Variants in P2RY11 observed in about 807,000 individuals in gnomAD.
P2RY11 encodes the protein purinergic receptor P2Y11, also known as P2Y purinoceptor 11.
A neutral mutation model predicts 2.4 loss-of-function variants in P2RY11; 3 were observed. That is an observed-to-expected ratio of 1.22 (90% CI 0.56 to 3.17). The LOEUF (loss-of-function observed/expected upper bound fraction) is 3.17, where lower values mean the gene tolerates loss of function less well. Among genes scored for constraint, P2RY11 ranks in the 30% most tolerant of loss-of-function variants. P2RY11 has a pLI of 0.03. For missense variants in P2RY11, 670 were observed against 528.2 expected (o/e 1.27, Z -2.63); for synonymous variants, 307 against 237.3 (o/e 1.29, Z -2.70).
intron 1 of P2RY11, chr19:10,112,389 A>C (rs1486709438): frequency 6.5e-6 from 1 of 153,244 alleles, no homozygotes; most frequent in Non-Finnish European, 1.5e-5. Flanking sequence ...GGTGGGGTGC[A>C]CAAGGAGTGA....
At position 10,114,722 on chromosome 19, in the gene P2RY11, GTGAGC is replaced by G. The variant is rs1568492918; in HGVS notation, c.1115_1119del (p.Leu372ProfsTer20). On this transcript the variant is annotated frameshift_variant, in exon 2 of 2. Transcript: ENST00000321826. LOFTEE classifies it high-confidence loss of function. Reference sequence around the variant, plus strand: ...CCTAAACCGTCAGAGCCCCAGTCCCGTGAGCTGAGCCAATGATGTGGCCTAGCGGA... The same window carrying G: ...CCTAAACCGTCAGAGCCCCAGTCCCGTGAGCCAATGATGTGGCCTAGCGGA... 1 of 1,606,620 alleles carries G rather than the reference GTGAGC, an allele frequency of 6.2e-7. No individual in the cohort carries two copies. The highest frequency in any genetic ancestry group is 1.1e-5 in the South Asian group (1 of 90,378).
At position 10,114,770 on chromosome 19, in the gene P2RY11, A is replaced by C; in HGVS notation, c.*32A>C. On this transcript the variant is annotated 3_prime_UTR_variant, in exon 2 of 2. Transcript: ENST00000321826. ...CTAGCGGAAGCTGCCTCCTCACCCT[A>C]GGTGTTGCTGGAGAACCCTGAGGGC... The C allele has an allele frequency of 6.4e-7, 1 of 1,567,252 alleles. No homozygotes were observed. Among genetic ancestry groups the C allele is most frequent in the Non-Finnish European group, 8.7e-7 (1 of 1,154,396 alleles).
chr19:10,113,649 T>C lies in P2RY11; in HGVS notation c.36T>C (p.Pro12=). ...AANVSGAKSC[P]ANFLAAADDK... ...TGCCCACAGGTGCCAAGTCCTGCCC[T>C]GCCAACTTCTTGGCAGCTGCCGACG... The change falls in exon 2 of 2, where the codon CCT becomes CCC. Residue 12 remains proline, a synonymous_variant. Transcript: ENST00000321826. 1 of 1,611,556 alleles carries C rather than the reference T, an allele frequency of 6.2e-7. No homozygotes were observed. Among genetic ancestry groups the C allele is most frequent in the Non-Finnish European group, 8.5e-7 (1 of 1,177,920 alleles).
Position 10,114,814 on chromosome 19 carries a change from C to T in P2RY11, c.*76C>T, listed in dbSNP as rs941706886. 5.9e-6 allele frequency: 9 copies of T among 1,525,468 alleles called. No individual in the cohort carries two copies. Among genetic ancestry groups the T allele is most frequent in the Non-Finnish European group, 7.9e-6 (9 of 1,139,530 alleles). The allele number at this position is 1,525,468 out of a possible 1,614,324, so 94.5% of individuals were successfully genotyped here. A position where few individuals can be genotyped will look rare whatever the true frequency, so the allele number is the denominator to read the frequency against. Reference sequence around the variant, plus strand: ...TGAGGGCAGGGCCCGAGCCCCGACACATCCCTTCCCCCAAAAAGCAACACC... The same window carrying T: ...TGAGGGCAGGGCCCGAGCCCCGACATATCCCTTCCCCCAAAAAGCAACACC... On this transcript the variant is annotated 3_prime_UTR_variant, in exon 2 of 2. Transcript: ENST00000321826.
rs369366276 is a variant in P2RY11 at position 10,113,913 on chromosome 19, C to T, written c.300C>T (p.Ala100=). The T allele has an allele frequency of 1.5e-4, 240 of 1,605,392 alleles. No homozygotes were observed. Among genetic ancestry groups the T allele is most frequent in the Admixed American group, 4.0e-4 (24 of 59,996 alleles). The part of the protein sequence containing the change: ...YPPKHWRYGE[A]ACRLERFLFT... The stretch of plus-strand genomic sequence containing the variant: ...CCAAGCACTGGCGCTATGGGGAGGC[C>T]GCGTGCCGCCTGGAGCGCTTCCTCT... Residue 100 remains alanine, a synonymous_variant, in exon 2 of 2, where the codon GCC becomes GCT. Coordinates refer to ENST00000321826, the MANE Select transcript of P2RY11 (RefSeq NM_002566.5).
At chr19:10,113,004 C>G in intron 1 of P2RY11, among the ~76,000 whole-genome samples, 1 of 150,048 alleles carries the variant, frequency 6.7e-6, no homozygotes. Context: ...GCCAGGAAGC[C>G]TGGGTGGGCT....
rs1411580365 is a variant in P2RY11, at chr19:10,113,892, G to A, written c.279G>A (p.Lys93=). 1 of 1,608,734 alleles carries A rather than the reference G, an allele frequency of 6.2e-7. No individual in the cohort carries two copies. Among genetic ancestry groups the A allele is most frequent in the Non-Finnish European group, 8.5e-7 (1 of 1,179,762 alleles). Residue 93 remains lysine (K), a synonymous_variant, in exon 2 of 2, where the codon AAG becomes AAA. Transcript: ENST00000321826. ...PPLAAYLYPP[K]HWRYGEAACR... is the part of the protein sequence containing the mutation. ...TGGCCGCCTACCTCTATCCCCCCAA[G>A]CACTGGCGCTATGGGGAGGCCGCGT... is the stretch of plus-strand genomic sequence containing the variant.
Position 10,114,002 on chromosome 19 carries a change from G to A in P2RY11, c.389G>A (p.Gly130Asp). ...ITCISLNRYL[G>D]IVHPFFARSH... ...TGCATCAGCCTCAACCGCTACCTGG[G>A]CATCGTGCACCCCTTCTTCGCCCGA... Residue 130 changes from glycine to aspartate, a missense_variant, in exon 2 of 2, where the codon GGC becomes GAC. Transcript: ENST00000321826. The A allele has an allele frequency of 1.2e-6, 2 of 1,601,496 alleles. No individual in the cohort carries two copies. Among genetic ancestry groups the A allele is most frequent in the Non-Finnish European group, 1.7e-6 (2 of 1,179,804 alleles).
Position 10,114,210 on chromosome 19 carries a change from G to A in P2RY11, c.597G>A (p.Leu199=). Residue 199 remains leucine, a synonymous_variant, in exon 2 of 2, where the codon CTG becomes CTA. Transcript: ENST00000321826. ...IKCLGTADHG[L]AAYRAYSLVL... is the part of the protein sequence containing the mutation. ...GTCTGGGGACAGCAGACCACGGGCT[G>A]GCGGCCTACAGAGCGTATAGCCTGG... is the stretch of plus-strand genomic sequence containing the variant. 1.9e-6 allele frequency: 3 copies of A among 1,600,186 alleles called. No individual in the cohort carries two copies. Among genetic ancestry groups the A allele is most frequent in the Non-Finnish European group, 2.5e-6 (3 of 1,179,482 alleles).
Position 10,114,155 on chromosome 19 carries a change from G to T in P2RY11, c.542G>T (p.Ser181Ile), listed in dbSNP as rs370173231. ...KRPQQGAGNCSVARPEACIKC... is the reference protein window; with the variant it reads ...KRPQQGAGNCIVARPEACIKC... ...CCGCAGCAGGGGGCGGGCAACTGCA[G>T]CGTGGCCAGGCCCGAGGCCTGCATC... The change falls in exon 2 of 2, where the codon AGC becomes ATC. Residue 181 changes from serine (S) to isoleucine (I), a missense_variant. Ser to Ile is a moderately radical substitution (Grantham distance 142, BLOSUM62 -2). Coordinates refer to ENST00000321826, the MANE Select transcript of P2RY11 (RefSeq NM_002566.5). 1.9e-6 allele frequency: 3 copies of T among 1,600,816 alleles called. No homozygotes were observed. The highest frequency in any genetic ancestry group is 1.7e-6 in the Non-Finnish European group (2 of 1,179,584).
At position 10,114,889 on chromosome 19, in the gene P2RY11, G is replaced by T; in HGVS notation, c.*151G>T. The T allele has an allele frequency of 7.0e-7, 1 of 1,418,856 alleles. No individual in the cohort carries two copies. The highest frequency in any genetic ancestry group is 1.4e-5 in the South Asian group (1 of 72,898). 87.9% of individuals were successfully genotyped at this position (1,418,856 alleles called of 1,614,324 possible). ...AGCTGCAGCCCAGGCAGGAGCAGTC[G>T]CCTTTCCCACCCACAGCGCTGGCCA... is the stretch of plus-strand genomic sequence containing the variant. On this transcript the variant is annotated 3_prime_UTR_variant, in exon 2 of 2. Coordinates refer to ENST00000321826, the MANE Select transcript of P2RY11 (RefSeq NM_002566.5).
At chr19:10,111,877 CGAG>C (rs2089092610) in intron 1 of P2RY11, 137 bp downstream of exon 1, 20 of 982,580 alleles carry the variant, frequency 2.0e-5, no homozygotes, top group South Asian at 4.4e-5. Flanking sequence ...TTTGGGAGGT[CGAG>C]GGGGGTGGAA....
Position 10,115,147 on chromosome 19 carries a change from G to A in P2RY11, c.*409G>A. The A allele has an allele frequency of 2.5e-6, 4 of 1,613,696 alleles. No individual in the cohort carries two copies. Among genetic ancestry groups the A allele is most frequent in the Middle Eastern group, 1.7e-4 (1 of 6,060 alleles). The stretch of plus-strand genomic sequence containing the variant: ...TGGACGGCCTGGGGTAGGGGAGGGT[G>A]GCAGGTATAAGACTTCTGGGGGCAC... On this transcript the variant is annotated 3_prime_UTR_variant, in exon 2 of 2. Transcript: ENST00000321826.
At position 10,115,080 on chromosome 19, in the gene P2RY11, A is replaced by G. The variant is rs2089215676; in HGVS notation, c.*342A>G. ...TCTCGGAGGCTGTCTTCTGTCGCCA[A>G]GGGTCCCGGACCGAGTACACAGTGG... On this transcript the variant is annotated 3_prime_UTR_variant, in exon 2 of 2. Coordinates refer to ENST00000321826, the MANE Select transcript of P2RY11 (RefSeq NM_002566.5). 2 of 1,613,736 alleles carry G rather than the reference A, an allele frequency of 1.2e-6. No individual in the cohort carries two copies. The highest frequency in any genetic ancestry group is 1.7e-6 in the Non-Finnish European group (2 of 1,179,996).
At chr19:10,112,235 A>G (rs2089111104) in intron 1 of P2RY11, 1 of 154,526 alleles carries the variant, frequency 6.5e-6, no homozygotes, top group African/African-American at 2.4e-5. Context: ...CTGTGATTGC[A>G]CCACTGCACC....
At position 10,114,622 on chromosome 19, in the gene P2RY11, G is replaced by T; in HGVS notation, c.1009G>T (p.Gly337Cys). 6.2e-7 allele frequency: 1 copy of T among 1,613,942 alleles called. No individual in the cohort carries two copies. Among genetic ancestry groups the T allele is most frequent in the Non-Finnish European group, 8.5e-7 (1 of 1,179,962 alleles). ...GGGCTGCTGCTGCCGACACTGCCCC[G>T]GCTACAGGGACAGCTGGAACCCAGA... ...SLGCCCRHCP[G>C]YRDSWNPEDA... Residue 337 changes from glycine (G) to cysteine (C), a missense_variant, in exon 2 of 2, where the codon GGC becomes TGC. Physicochemically the swap from Gly to Cys is radical, Grantham distance 159. Transcript: ENST00000321826.
intron 1 of P2RY11, chr19:10,112,107 T>TA: frequency 1.1e-5 from 2 of 179,652 alleles, no homozygotes; most frequent in Non-Finnish European, 1.2e-5. Context: ...AAACTCCATC[T>TA]CAAAAAAAAA....
chr19:10,115,091 C>G lies in P2RY11; in HGVS notation c.*353C>G, dbSNP rs1377969006. Reference sequence around the variant, plus strand: ...GTCTTCTGTCGCCAAGGGTCCCGGACCGAGTACACAGTGGCAGCTGGCTTA... The same window carrying G: ...GTCTTCTGTCGCCAAGGGTCCCGGAGCGAGTACACAGTGGCAGCTGGCTTA... On this transcript the variant is annotated 3_prime_UTR_variant, in exon 2 of 2. Coordinates refer to ENST00000321826, the MANE Select transcript of P2RY11 (RefSeq NM_002566.5). 1 of 1,613,808 alleles carries G rather than the reference C, an allele frequency of 6.2e-7. No homozygotes were observed. The highest frequency in any genetic ancestry group is 1.3e-5 in the African/African-American group (1 of 74,940).
rs2305794 is a variant in P2RY11, at chr19:10,115,344, A to G, written c.*606A>G. 10,230 of 1,203,858 alleles carry G rather than the reference A, an allele frequency of 8.5e-3. 365 individuals carry two copies. Among genetic ancestry groups the G allele is most frequent in the African/African-American group, 0.077 (5,004 of 65,300 alleles). 74.6% of individuals were successfully genotyped at this position (1,203,858 alleles called of 1,614,324 possible). ...ACCCCTCTGCCCGGTTTTGGAAAAA[A>G]ACAATAAAGGACTGTCCCCTCAAAA... On this transcript the variant is annotated 3_prime_UTR_variant, in exon 2 of 2. Coordinates refer to ENST00000321826, the MANE Select transcript of P2RY11 (RefSeq NM_002566.5).
Sources: gnomAD v4.1 joint callset for allele counts (sites outside exome capture counted in the v4.1 genomes callset) on GRCh38, gnomAD v4.1.1 for gene constraint, MANE v1.5 for transcripts, NCBI Gene and HGNC (gene_info 2026-07-23, HGNC 2026-07-21) for gene names.